The following CARMIL1 variants were observed in gnomAD, a reference collection of about 807,000 sequenced individuals.
CARMIL1 encodes the protein capping protein regulator and myosin 1 linker 1, also known as F-actin-uncapping protein LRRC16A.
A neutral mutation model predicts 177.1 loss-of-function variants in CARMIL1; 90 were observed. The observed-to-expected ratio is 0.51, with a 90% CI of 0.43 to 0.61. The LOEUF (loss-of-function observed/expected upper bound fraction) is 0.61. Among genes scored for constraint, CARMIL1 ranks in the 20% least tolerant of loss-of-function variants. The pLI is 0.00. For missense variants in CARMIL1, 1,380 were observed against 1,667.0 expected (o/e 0.83, Z 3.00); for synonymous variants, 577 against 606.2 (o/e 0.95, Z 0.71).
At chr6:25,458,220 T>C (rs1252865185) in intron 8 of CARMIL1, among the ~76,000 whole-genome samples, 7 of 152,174 alleles carry the variant, frequency 4.6e-5, no homozygotes, top group Non-Finnish European at 1.0e-4. Context: ...GCATTTTAAC[T>C]TTGTATTATA....
chr6:25,288,612 C>G (rs1456823202), intron 2 of CARMIL1, among the ~76,000 whole-genome samples: 1 of 151,590 alleles, frequency 6.6e-6, no homozygotes, highest in East Asian at 1.9e-4. Context: ...AGCAAACACC[C>G]AAAAAATGAT....
chr6:25,414,086 T>C (rs560006861), intron 2 of CARMIL1, among the ~76,000 whole-genome samples: 1 of 152,318 alleles, frequency 6.6e-6, no homozygotes, highest in South Asian at 2.1e-4. Flanking sequence ...TCTGCATTTG[T>C]ATCTTATTTA....
intron 27 of CARMIL1, 48 bp downstream of exon 27, chr6:25,551,133 G>A: frequency 6.9e-6 from 10 of 1,457,590 alleles, no homozygotes; most frequent in Non-Finnish European, 9.5e-6. Flanking sequence ...TTCTGTAAAT[G>A]CAGTCGAGGC....
chr6:25,478,022 A>T (rs941961229), intron 11 of CARMIL1, among the ~76,000 whole-genome samples: 5 of 151,036 alleles, frequency 3.3e-5, no homozygotes, highest in African/African-American at 9.7e-5. Flanking sequence ...CACCTGGCTA[A>T]TTTTTAAATT....
intron 36 of CARMIL1, among the ~76,000 whole-genome samples, chr6:25,611,842 C>G (rs1338897312): frequency 6.6e-6 from 1 of 152,176 alleles, no homozygotes; most frequent in African/African-American, 2.4e-5. Flanking sequence ...CTCTGGTTAG[C>G]AAAGTCGGGG....
chr6:25,459,273 T>TCTTTCTTTCC (rs1390647134), intron 8 of CARMIL1, among the ~76,000 whole-genome samples: 3 of 132,838 alleles, frequency 2.3e-5, no homozygotes, highest in Non-Finnish European at 3.2e-5. Context: ...TTTCTTTTTT[T>TCTTTCTTTCC]TTTTTTTAAG....
At chr6:25,403,791 G>A (rs72831227) in intron 2 of CARMIL1, among the ~76,000 whole-genome samples, 5,202 of 152,206 alleles carry the variant, frequency 0.034, 107 homozygotes, top group South Asian at 0.095. Flanking sequence ...CATTAAGCAC[G>A]CTCTATTCTC....
chr6:25,442,160 A>G (rs1166501152), intron 5 of CARMIL1, among the ~76,000 whole-genome samples: 1 of 151,718 alleles, frequency 6.6e-6, no homozygotes, highest in Non-Finnish European at 1.5e-5. Flanking sequence ...AAAGAAATCA[A>G]TTAGTGTGAG....
chr6:25,557,556 C>T (rs1481982902), intron 29 of CARMIL1, among the ~76,000 whole-genome samples: 1 of 152,092 alleles, frequency 6.6e-6, no homozygotes, highest in Non-Finnish European at 1.5e-5. Context: ...TCTATATCAT[C>T]CTCTGTATTC....
At chr6:25,362,921 GC>G (rs1789384047) in intron 2 of CARMIL1, among the ~76,000 whole-genome samples, 2 of 152,302 alleles carry the variant, frequency 1.3e-5, no homozygotes, top group Admixed American at 6.5e-5. Flanking sequence ...TGTAATCCCA[GC>G]TACTCTGGGG....
At chr6:25,456,935 A>G (rs1040877673) in intron 8 of CARMIL1, among the ~76,000 whole-genome samples, 3 of 151,502 alleles carry the variant, frequency 2.0e-5, no homozygotes, top group Non-Finnish European at 4.4e-5. Flanking sequence ...ATGTTTGCCA[A>G]GGTTGTCCTA....
intron 24 of CARMIL1, among the ~76,000 whole-genome samples, chr6:25,532,164 A>G (rs1299831601): frequency 6.7e-6 from 1 of 149,952 alleles, no homozygotes; most frequent in Non-Finnish European, 1.5e-5. Flanking sequence ...CAATGGCGCA[A>G]CCCTGGCTCA....
Position 25,313,683 on chromosome 6 carries a change from G to GCATATATATATATATATA in CARMIL1, c.138+28774_138+28775insCATATATATATATATATA. Among the ~76,000 whole-genome samples, 139 of 133,618 alleles carry GCATATATATATATATATA rather than the reference G, an allele frequency of 1.0e-3. 13 individuals are homozygous for GCATATATATATATATATA. The East Asian group carries it at 0.016, about 16-fold the overall frequency. 87.7% of individuals were successfully genotyped at this position (133,618 alleles called of 152,430 possible). On this transcript the variant is annotated intron_variant, in intron 2 of 36. Coordinates refer to ENST00000329474, the MANE Select transcript of CARMIL1 (RefSeq NM_017640.6). ...TAAAGATCTTTACCCAGGGAAGGCT[G>GCATATATATATATATATA]TATATATACAGTTATTTGGGAGAAA...
At chr6:25,296,935 T>TCTATC (rs11414122) in intron 2 of CARMIL1, among the ~76,000 whole-genome samples, 9,367 of 136,344 alleles carry the variant, frequency 0.069, 360 homozygotes, top group East Asian at 0.13. Flanking sequence ...CTATCTATCT[T>TCTATC]TAACTAACTA....
chr6:25,290,202 C>T (rs1781830228), intron 2 of CARMIL1, among the ~76,000 whole-genome samples: 1 of 151,938 alleles, frequency 6.6e-6, no homozygotes, highest in Non-Finnish European at 1.5e-5. Flanking sequence ...CTTAAGTGAT[C>T]CTCCCACCTC....
intron 36 of CARMIL1, among the ~76,000 whole-genome samples, 188 bp downstream of exon 36, chr6:25,610,369 A>G (rs111672901): frequency 3.3e-5 from 5 of 152,340 alleles, no homozygotes; most frequent in African/African-American, 9.6e-5. Flanking sequence ...GATTGATGAC[A>G]TTGGATCTTA....
At chr6:25,605,745 A>G (rs145228317) in intron 34 of CARMIL1, among the ~76,000 whole-genome samples, 166 of 152,370 alleles carry the variant, frequency 1.1e-3, no homozygotes, top group South Asian at 4.6e-3. Context: ...TTTCAAGTGC[A>G]TGAAGAACCA....
At chr6:25,435,722 C>A (rs1371314997) in intron 5 of CARMIL1, 118 bp downstream of exon 5, 10 of 1,191,166 alleles carry the variant, frequency 8.4e-6, no homozygotes, top group Non-Finnish European at 1.1e-5. Flanking sequence ...CTTCCTTCTC[C>A]TCTTAAATAT....
chr6:25,442,679 AAATG>A (rs1178760954), intron 5 of CARMIL1, among the ~76,000 whole-genome samples: 1 of 152,188 alleles, frequency 6.6e-6, no homozygotes, highest in African/African-American at 2.4e-5. Flanking sequence ...TCTCTTATGG[AAATG>A]AATGAACTTG....
Sources: allele counts gnomAD v4.1 joint callset (sites outside exome capture counted in the v4.1 genomes callset), GRCh38; gene constraint gnomAD v4.1.1; transcripts MANE v1.5; gene names NCBI Gene and HGNC (gene_info 2026-07-23, HGNC 2026-07-21).